The following TEAD4 variants were observed in gnomAD, a reference collection of about 807,000 sequenced individuals.
TEAD4 encodes the protein transcriptional enhancer factor TEF-3.
TEAD4 carries 36 observed loss-of-function variants against 52.4 expected under a neutral mutation model. The ratio of observed to expected loss-of-function variants is 0.69; its 90% confidence interval spans 0.53 to 0.91. The LOEUF (loss-of-function observed/expected upper bound fraction) is 0.91, where lower values mean the gene tolerates loss of function less well. Ranked by LOEUF, TEAD4 falls within the 40% of genes least tolerant of loss-of-function variation. TEAD4 has a pLI of 0.00. For synonymous variants in TEAD4, 220 were observed against 231.0 expected, an observed-to-expected ratio of 0.95 and a Z score of 0.43; for missense variants, 508 against 583.9, an observed-to-expected ratio of 0.87 and a Z score of 1.34.
At chr12:3,017,049 A>G (rs890586409) in intron 5 of TEAD4, 2 of 471,746 alleles carry the variant, frequency 4.2e-6, no homozygotes, top group African/African-American at 2.0e-5. Flanking sequence ...ATATTCATGC[A>G]TCGTTTTCAC....
intron 3 of TEAD4, among the ~76,000 whole-genome samples, chr12:3,000,060 C>A (rs1328904715): frequency 6.6e-6 from 1 of 152,166 alleles, no homozygotes; most frequent in Non-Finnish European, 1.5e-5. Context: ...TAAGTGACCA[C>A]CCCACACTGG....
At chr12:2,986,209 G>A (rs1261692689) in intron 2 of TEAD4, among the ~76,000 whole-genome samples, 1 of 152,196 alleles carries the variant, frequency 6.6e-6, no homozygotes, top group East Asian at 1.9e-4. Context: ...ACTGGAAAGC[G>A]TTTGGGGCAG....
chr12:3,011,000 G>A lies in TEAD4; in HGVS notation c.227-4G>A, dbSNP rs775369891. The A allele has an allele frequency of 9.3e-6, 15 of 1,614,072 alleles. No individual in the cohort carries two copies. The highest frequency in any genetic ancestry group is 1.3e-5 in the Non-Finnish European group (15 of 1,179,956). ...CCACTGAGAGGCTGCTGGTGTCTCT[G>A]CAGGTCGGAACGAGCTGATTGCCCG... is the stretch of plus-strand genomic sequence containing the variant. On this transcript the variant is annotated splice_region_variant and splice_polypyrimidine_tract_variant and intron_variant, in intron 3 of 12. Transcript: ENST00000359864.
chr12:3,003,247 T>C (rs1320619686), intron 3 of TEAD4, among the ~76,000 whole-genome samples: 1 of 152,224 alleles, frequency 6.6e-6, no homozygotes, highest in Non-Finnish European at 1.5e-5. Flanking sequence ...CTCAGTCCTT[T>C]TCAAGTTTGA....
chr12:3,019,205 A>C, intron 8 of TEAD4, 35 bp downstream of exon 8: 1 of 1,611,578 alleles, frequency 6.2e-7, no homozygotes, highest in Non-Finnish European at 8.5e-7. Context: ...TTTCTATCGC[A>C]GCCATGTGGC....
At chr12:3,019,555 A>G (rs11062462) in intron 8 of TEAD4, among the ~76,000 whole-genome samples, 15,020 of 152,118 alleles carry the variant, frequency 0.099, 980 homozygotes, top group African/African-American at 0.19. Flanking sequence ...ACCAGCCTGG[A>G]GCCCCTCCCG....
intron 2 of TEAD4, among the ~76,000 whole-genome samples, chr12:2,990,848 C>T (rs557051367): frequency 3.3e-5 from 5 of 152,194 alleles, no homozygotes; most frequent in East Asian, 3.9e-4. Flanking sequence ...GGTATAGTTC[C>T]CAGTTTCAGC....
Position 3,040,162 on chromosome 12 carries a change from C to T in TEAD4, c.1094C>T (p.Pro365Leu), listed in dbSNP as rs1396026469. 1.9e-6 allele frequency: 3 copies of T among 1,614,218 alleles called. No individual in the cohort carries two copies. The highest frequency in any genetic ancestry group is 2.5e-6 in the Non-Finnish European group (3 of 1,180,046). The change falls in exon 12 of 13, where the codon CCG becomes CTG. Residue 365 changes from proline to leucine, a missense_variant. Physicochemically the swap from Pro to Leu is moderately conservative, Grantham distance 98 (BLOSUM62 -3). Transcript: ENST00000359864. Reference sequence around the variant, plus strand: ...TACTCTTACCGCATCCACCGGTCCCCGCTCTGTGAGTACATGATCAACTTC... The same window carrying T: ...TACTCTTACCGCATCCACCGGTCCCTGCTCTGTGAGTACATGATCAACTTC...
chr12:2,972,792 C>T (rs1039365182), intron 2 of TEAD4, among the ~76,000 whole-genome samples: 6 of 152,064 alleles, frequency 3.9e-5, no homozygotes, highest in African/African-American at 1.4e-4. Flanking sequence ...TGAGCCACCG[C>T]GCCTGTAGAA....
chr12:3,012,577 T>G (rs1171824951), intron 5 of TEAD4, among the ~76,000 whole-genome samples: 1 of 150,846 alleles, frequency 6.6e-6, no homozygotes, highest in Non-Finnish European at 1.5e-5. Context: ...GCATGCGGAG[T>G]GGCAGGGGCA....
chr12:2,988,067 C>CA (rs1318960368), intron 2 of TEAD4, among the ~76,000 whole-genome samples: 4 of 149,076 alleles, frequency 2.7e-5, no homozygotes, highest in Non-Finnish European at 5.9e-5. Context: ...GACTCCATCT[C>CA]AAAAAAACAA....
At chr12:2,975,533 C>T (rs2153953152) in intron 2 of TEAD4, among the ~76,000 whole-genome samples, 2 of 152,140 alleles carry the variant, frequency 1.3e-5, no homozygotes, top group Non-Finnish European at 2.9e-5. Flanking sequence ...GGATTACAGG[C>T]ATGCGCCACC....
intron 10 of TEAD4, among the ~76,000 whole-genome samples, chr12:3,025,946 TC>T (rs397715135): frequency 6.6e-6 from 1 of 151,936 alleles, no homozygotes; most frequent in African/African-American, 2.4e-5. Flanking sequence ...CTTTTTTTTT[TC>T]CTCTGGAAGT....
chr12:2,982,031 T>C (rs1237723512), intron 2 of TEAD4, among the ~76,000 whole-genome samples: 1 of 151,984 alleles, frequency 6.6e-6, no homozygotes, highest in African/African-American at 2.4e-5. Context: ...AAAGGAGGGC[T>C]CTGGGAGCGT....
chr12:2,990,799 C>G (rs755039824), intron 2 of TEAD4, among the ~76,000 whole-genome samples: 3 of 152,112 alleles, frequency 2.0e-5, no homozygotes, highest in Non-Finnish European at 4.4e-5. Context: ...TCTTCGCTGT[C>G]ATATTTTGTC....
intron 10 of TEAD4, among the ~76,000 whole-genome samples, chr12:3,029,881 G>A (rs529946166): frequency 3.3e-5 from 5 of 152,284 alleles, no homozygotes; most frequent in South Asian, 2.1e-4. Context: ...GTTTTATTGG[G>A]GAAATCAATA....
chr12:3,002,932 C>A (rs993592069), intron 3 of TEAD4, among the ~76,000 whole-genome samples: 1 of 152,226 alleles, frequency 6.6e-6, no homozygotes, highest in Non-Finnish European at 1.5e-5. Flanking sequence ...CCAATTGCTG[C>A]CTTCTCAGGC....
rs374797531 is a variant in TEAD4 at position 3,006,259 on chromosome 12, C to A, written c.227-4745C>A. ...ATGCTCGTTGGACCGTTTTGGATTTCGGATTTTAGGATTAGGGATGCTCAG... is the reference window on the plus strand; with the variant it reads ...ATGCTCGTTGGACCGTTTTGGATTTAGGATTTTAGGATTAGGGATGCTCAG... On this transcript the variant is annotated intron_variant, in intron 3 of 12. Transcript: ENST00000359864. 1.4e-3 allele frequency among the ~76,000 whole-genome samples: 206 copies of A among 152,150 alleles called. 2 individuals carry two copies. Among genetic ancestry groups the A allele is most frequent in the African/African-American group, 4.8e-3 (200 of 41,502 alleles).
At chr12:3,035,428 A>G (rs1374057334) in intron 10 of TEAD4, among the ~76,000 whole-genome samples, 1 of 152,196 alleles carries the variant, frequency 6.6e-6, no homozygotes, top group African/African-American at 2.4e-5. Context: ...CTGTGCTTCC[A>G]GCTACAGAAT....
Sources: gnomAD v4.1 joint callset for allele counts (sites outside exome capture counted in the v4.1 genomes callset) on GRCh38, gnomAD v4.1.1 for gene constraint, MANE v1.5 for transcripts, NCBI Gene and HGNC (gene_info 2026-07-23, HGNC 2026-07-21) for gene names.